Variants in PPFIA1 observed in about 807,000 individuals in gnomAD.
PPFIA1 encodes the protein PPFI scaffold protein A1, also known as liprin-alpha-1.
A neutral mutation model predicts 149.9 loss-of-function variants in PPFIA1; 25 were observed. The observed-to-expected ratio is 0.17, with a 90% CI of 0.12 to 0.23. The LOEUF (loss-of-function observed/expected upper bound fraction) is 0.23. PPFIA1 is among the 10% of genes least tolerant of loss of function. The probability of loss-of-function intolerance (pLI) is 1.00; values close to 1 mark genes in which losing one functional copy is unlikely to be tolerated. For synonymous variants in PPFIA1, 549 were observed against 552.8 expected (o/e 0.99, Z 0.10); for missense variants, 1,362 against 1,506.5 (o/e 0.90, Z 1.59).
intron 11 of PPFIA1, 87 bp downstream of exon 11, chr11:70,335,781 G>GC: frequency 1.4e-6 from 2 of 1,475,630 alleles, no homozygotes; most frequent in Non-Finnish European, 1.9e-6. Flanking sequence ...GTGTGTAACA[G>GC]TGGTTAGCAG....
chr11:70,345,449 A>G (rs1239683759), intron 15 of PPFIA1, among the ~76,000 whole-genome samples: 4 of 152,130 alleles, frequency 2.6e-5, no homozygotes, highest in African/African-American at 4.8e-5. Flanking sequence ...GTGTATTGTT[A>G]TGGAGTGCCA....
intron 16 of PPFIA1, among the ~76,000 whole-genome samples, chr11:70,351,527 C>G (rs1185140915): frequency 5.3e-5 from 8 of 152,190 alleles, no homozygotes; most frequent in Non-Finnish European, 1.2e-4. Context: ...TTGCATTACA[C>G]TTACTAGTTG....
chr11:70,278,857 T>G, intron 2 of PPFIA1: 1 of 446,152 alleles, frequency 2.2e-6, no homozygotes, highest in South Asian at 2.3e-5. Context: ...TCAGCCACAC[T>G]GGACAGCTGG....
chr11:70,343,917 C>T (rs1023699735), intron 15 of PPFIA1, 25 bp downstream of exon 15: 1 of 1,583,660 alleles, frequency 6.3e-7, no homozygotes, highest in African/African-American at 1.3e-5. Flanking sequence ...GCATGACACT[C>T]ACCACACGCA....
intron 16 of PPFIA1, among the ~76,000 whole-genome samples, chr11:70,352,560 G>T (rs2056114074): frequency 6.6e-6 from 1 of 152,054 alleles, no homozygotes; most frequent in Non-Finnish European, 1.5e-5. Flanking sequence ...GGTTAAACCA[G>T]GGGTGCGTGC....
intron 21 of PPFIA1, chr11:70,371,651 A>T (rs772321247): frequency 3.0e-5 from 1 of 33,032 alleles, no homozygotes; most frequent in Non-Finnish European, 6.7e-5. Flanking sequence ...TGCTTCTTTC[A>T]TCAGTTGCTA....
Position 70,272,244 on chromosome 11 carries a change from C to T in PPFIA1, c.72C>T (p.Ser24=), listed in dbSNP as rs547927770. 1.3e-5 allele frequency: 21 copies of T among 1,614,006 alleles called. No homozygotes were observed. Among genetic ancestry groups the T allele is most frequent in the Admixed American group, 6.7e-5 (4 of 59,992 alleles). ...CTGGAGGAGGTGGAGGCCATGGTTC[C>T]GGCTCCCCTTCACAGCCAGATGCAG... ...GPPGGGGGHG[S]GSPSQPDADS... is the part of the protein sequence containing the mutation. The change falls in exon 2 of 28, where the codon TCC becomes TCT. Residue 24 remains serine (S), a synonymous_variant. Coordinates refer to ENST00000253925, the MANE Select transcript of PPFIA1 (RefSeq NM_003626.5).
chr11:70,281,717 C>G (rs528477755), intron 2 of PPFIA1, among the ~76,000 whole-genome samples: 1 of 152,306 alleles, frequency 6.6e-6, no homozygotes, highest in South Asian at 2.1e-4. Flanking sequence ...TTGTCAAATG[C>G]ACTGACAGAA....
intron 16 of PPFIA1, among the ~76,000 whole-genome samples, chr11:70,353,313 G>A (rs1245159469): frequency 1.3e-5 from 2 of 152,162 alleles, no homozygotes; most frequent in Non-Finnish European, 2.9e-5. Flanking sequence ...AGGCTGCACC[G>A]CACCATGATC....
At chr11:70,367,971 T>C (rs2057034323) in intron 21 of PPFIA1, among the ~76,000 whole-genome samples, 1 of 152,072 alleles carries the variant, frequency 6.6e-6, no homozygotes, top group African/African-American at 2.4e-5. Context: ...ACCCTGTCTC[T>C]ACAAAAAATA....
chr11:70,335,591 A>C lies in PPFIA1; in HGVS notation c.1325A>C (p.Glu442Ala). The C allele has an allele frequency of 6.2e-7, 1 of 1,614,048 alleles. No homozygotes were observed. The highest frequency in any genetic ancestry group is 1.3e-5 in the African/African-American group (1 of 75,064). The change falls in exon 11 of 28, where the codon GAA (glutamate) becomes GCA (alanine). Residue 442 changes from glutamate (E) to alanine (A), a missense_variant. By Grantham distance (107) the Glu-to-Ala change is moderately radical. Coordinates refer to ENST00000253925, the MANE Select transcript of PPFIA1 (RefSeq NM_003626.5). ...AGGCAAAGAGAAAAAATGAACGAAG[A>C]ACATAATAAACGTTTATCAGACACT... is the stretch of plus-strand genomic sequence containing the variant. ...RARQREKMNEEHNKRLSDTVD... is the reference protein window; with the variant it reads ...RARQREKMNEAHNKRLSDTVD...
intron 2 of PPFIA1, among the ~76,000 whole-genome samples, chr11:70,302,769 ATTTTTTT>A (rs55897136): frequency 7.8e-6 from 1 of 127,970 alleles, no homozygotes; most frequent in Non-Finnish European, 1.7e-5. Context: ...TCTCAACACC[ATTTTTTT>A]TTTTTTTTTT....
chr11:70,326,990 AC>A, intron 7 of PPFIA1, 172 bp downstream of exon 7: 1 of 610,556 alleles, frequency 1.6e-6, no homozygotes, highest in Non-Finnish European at 2.8e-6. Flanking sequence ...GCCATAAGCT[AC>A]CTCCCCATTT....
chr11:70,300,489 C>T (rs2052412835), intron 2 of PPFIA1, among the ~76,000 whole-genome samples: 1 of 152,038 alleles, frequency 6.6e-6, no homozygotes, highest in Non-Finnish European at 1.5e-5. Flanking sequence ...CCTGCCTCAG[C>T]CTCTCAGTAT....
At chr11:70,313,623 G>A (rs1055285968) in intron 2 of PPFIA1, among the ~76,000 whole-genome samples, 3 of 152,164 alleles carry the variant, frequency 2.0e-5, no homozygotes, top group East Asian at 3.8e-4. Flanking sequence ...AGGAGGAGGC[G>A]ATGTGATGTC....
intron 2 of PPFIA1, chr11:70,283,862 C>T: frequency 2.2e-6 from 1 of 461,678 alleles, no homozygotes. Flanking sequence ...GGCAGGGATG[C>T]TCCTAAACAT....
chr11:70,378,571 A>T, intron 26 of PPFIA1: 1 of 495,500 alleles, frequency 2.0e-6, no homozygotes, highest in African/African-American at 2.1e-5. Flanking sequence ...CACATAATTT[A>T]CTGCTCTCCA....
intron 2 of PPFIA1, among the ~76,000 whole-genome samples, chr11:70,297,350 A>C (rs946594532): frequency 6.7e-6 from 1 of 150,350 alleles, no homozygotes; most frequent in Non-Finnish European, 1.5e-5. Context: ...TTAAGACTGC[A>C]GTGAGCTATG....
At chr11:70,311,138 C>T (rs890261599) in intron 2 of PPFIA1, among the ~76,000 whole-genome samples, 4 of 152,016 alleles carry the variant, frequency 2.6e-5, no homozygotes, top group Admixed American at 1.3e-4. Context: ...GGAAAAACCC[C>T]GTCTCTACTA....
Sources: allele counts gnomAD v4.1 joint callset (sites outside exome capture counted in the v4.1 genomes callset), GRCh38; gene constraint gnomAD v4.1.1; transcripts MANE v1.5; gene names NCBI Gene and HGNC (gene_info 2026-07-23, HGNC 2026-07-21).